Variants in RBM19 observed in about 807,000 individuals in gnomAD.
RBM19 encodes RNA binding motif protein 19.
Under a neutral mutation model 116.8 loss-of-function variants are expected in RBM19, and 94 were observed. That is an observed-to-expected ratio of 0.80 (90% CI 0.68 to 0.95). The LOEUF (loss-of-function observed/expected upper bound fraction) is 0.95. Ranked by LOEUF, RBM19 falls within the 40% of genes least tolerant of loss-of-function variation. The pLI is 0.00. For missense variants in RBM19, 1,161 were observed against 1,220.7 expected (o/e 0.95, Z 0.73); for synonymous variants, 475 against 494.1 (o/e 0.96, Z 0.51).
intron 22 of RBM19, among the ~76,000 whole-genome samples, chr12:113,847,717 C>A (rs1160694597): frequency 2.6e-5 from 4 of 152,070 alleles, no homozygotes; most frequent in Non-Finnish European, 5.9e-5. Flanking sequence ...GGTGAGAGGC[C>A]CCAACCCCAG....
chr12:113,889,653 A>T (rs1880799272), intron 21 of RBM19, among the ~76,000 whole-genome samples: 1 of 106,266 alleles, frequency 9.4e-6, no homozygotes, highest in African/African-American at 4.8e-5. Context: ...CATACTAAAA[A>T]AACAAAAACA....
At chr12:113,895,579 A>G (rs929348691) in intron 21 of RBM19, among the ~76,000 whole-genome samples, 1 of 152,206 alleles carries the variant, frequency 6.6e-6, no homozygotes, top group African/African-American at 2.4e-5. Context: ...ACACAACACT[A>G]TCACATCCGT....
At chr12:113,936,091 A>AT (rs386766494) in intron 16 of RBM19, among the ~76,000 whole-genome samples, 49 of 151,260 alleles carry the variant, frequency 3.2e-4, no homozygotes, top group East Asian at 1.4e-3. Context: ...GTTCCTCCCC[A>AT]TTTTTTTTTA....
intron 21 of RBM19, among the ~76,000 whole-genome samples, chr12:113,881,882 C>T (rs530372555): frequency 1.3e-5 from 2 of 152,384 alleles, no homozygotes; most frequent in East Asian, 1.9e-4. Flanking sequence ...CCCAGTTATT[C>T]TGTGGGGTAG....
intron 9 of RBM19, among the ~76,000 whole-genome samples, chr12:113,949,689 T>C (rs935799567): frequency 1.3e-5 from 2 of 152,166 alleles, no homozygotes; most frequent in African/African-American, 4.8e-5. Context: ...CTGAACATCC[T>C]GTCCGTAGAG....
At chr12:113,842,354 A>G (rs1481753414) in intron 23 of RBM19, among the ~76,000 whole-genome samples, 1 of 152,196 alleles carries the variant, frequency 6.6e-6, no homozygotes. Context: ...CCTTACACAA[A>G]CATTTGCCGA....
chr12:113,867,064 G>A (rs548189559), intron 21 of RBM19, among the ~76,000 whole-genome samples: 65 of 152,244 alleles, frequency 4.3e-4, no homozygotes, highest in African/African-American at 1.5e-3. Context: ...GTTAGGTCTT[G>A]GGACAAGCAA....
At chr12:113,826,349 C>T (rs1464769526) in intron 23 of RBM19, among the ~76,000 whole-genome samples, 2 of 152,214 alleles carry the variant, frequency 1.3e-5, no homozygotes, top group Non-Finnish European at 2.9e-5. Context: ...CTGTTCCATT[C>T]CCAATGCCCA....
chr12:113,920,499 C>T lies in RBM19; in HGVS notation c.2385+112G>A, dbSNP rs577171413. The T allele has an allele frequency of 6.2e-5, 61 of 989,056 alleles. No homozygotes were observed. The African/African-American group carries it at 9.4e-4, about 15-fold the overall frequency. 61.3% of individuals were successfully genotyped at this position (989,056 alleles called of 1,614,324 possible). Reference sequence around the variant, plus strand: ...TAGAGATCTGGGAAAAGCAATGGGCCCGGTCAAGTGTAGACTTCATACATA... The same window carrying T: ...TAGAGATCTGGGAAAAGCAATGGGCTCGGTCAAGTGTAGACTTCATACATA... On this transcript the variant is annotated intron_variant, in intron 19 of 23. Transcript: ENST00000261741.
intron 22 of RBM19, among the ~76,000 whole-genome samples, chr12:113,847,919 C>A (rs534505272): frequency 1.3e-5 from 2 of 152,170 alleles, no homozygotes; most frequent in Non-Finnish European, 2.9e-5. Flanking sequence ...TCCTCTGACA[C>A]GTTATTGGCC....
At chr12:113,915,229 A>C in intron 20 of RBM19, 144 bp from the exon 21 acceptor site, 1 of 703,162 alleles carries the variant, frequency 1.4e-6, no homozygotes, top group East Asian at 2.7e-5. Flanking sequence ...GTGAAAGGAG[A>C]GGAAGGCCGT....
At chr12:113,907,234 A>G (rs1490385852) in intron 21 of RBM19, among the ~76,000 whole-genome samples, 2 of 152,162 alleles carry the variant, frequency 1.3e-5, no homozygotes, top group African/African-American at 4.8e-5. Flanking sequence ...CAGAACGCTC[A>G]TGCCACCATG....
intron 7 of RBM19, among the ~76,000 whole-genome samples, chr12:113,954,562 C>T (rs1036862042): frequency 6.6e-6 from 1 of 152,150 alleles, no homozygotes; most frequent in Non-Finnish European, 1.5e-5. Context: ...TAGTAGTCAT[C>T]CTACTTACAG....
chr12:113,946,206 T>C, intron 12 of RBM19, 148 bp downstream of exon 12: 2 of 1,100,930 alleles, frequency 1.8e-6, no homozygotes, highest in Non-Finnish European at 2.6e-6. Flanking sequence ...ACTATTATTC[T>C]CCCATTTTAC....
chr12:113,852,484 C>T (rs1877538153), intron 22 of RBM19, among the ~76,000 whole-genome samples: 1 of 152,232 alleles, frequency 6.6e-6, no homozygotes, highest in Middle Eastern at 3.2e-3. Flanking sequence ...GCACACACGT[C>T]ACATGCACAC....
chr12:113,822,870 C>T lies in RBM19; in HGVS notation c.*354G>A. On this transcript the variant is annotated 3_prime_UTR_variant, in exon 24 of 24. Coordinates refer to ENST00000261741, the MANE Select transcript of RBM19 (RefSeq NM_016196.4). Reference sequence around the variant, plus strand: ...CAGAGAGCTGGCCCTCGTCCCCTTACTCTCCTGGGGTGGGGACAGGGGGAG... The same window carrying T: ...CAGAGAGCTGGCCCTCGTCCCCTTATTCTCCTGGGGTGGGGACAGGGGGAG... 5.4e-6 allele frequency: 1 copy of T among 184,800 alleles called. No individual in the cohort carries two copies. Among genetic ancestry groups the T allele is most frequent in the Non-Finnish European group, 1.1e-5 (1 of 89,600 alleles). 11.4% of individuals were successfully genotyped at this position (184,800 alleles called of 1,614,324 possible).
At chr12:113,926,574 C>G (rs1869093327) in intron 17 of RBM19, among the ~76,000 whole-genome samples, 1 of 151,824 alleles carries the variant, frequency 6.6e-6, no homozygotes. Context: ...TTGGCTTTTA[C>G]TAACCTTCTA....
chr12:113,927,390 T>G, intron 16 of RBM19, 161 bp from the exon 17 acceptor site: 1 of 779,012 alleles, frequency 1.3e-6, no homozygotes, highest in Non-Finnish European at 2.0e-6. Context: ...CCCCAACTTG[T>G]GCTGAGCTTC....
intron 23 of RBM19, among the ~76,000 whole-genome samples, chr12:113,835,734 C>T (rs560282951): frequency 2.2e-4 from 34 of 152,300 alleles, no homozygotes; most frequent in Middle Eastern, 3.4e-3. Context: ...CTTGGGCAGG[C>T]GGGGGAAGGC....
Sources: allele counts gnomAD v4.1 joint callset (sites outside exome capture counted in the v4.1 genomes callset), GRCh38; gene constraint gnomAD v4.1.1; transcripts MANE v1.5; gene names NCBI Gene and HGNC (gene_info 2026-07-23, HGNC 2026-07-21).